Variants in ZEB1 observed in about 807,000 individuals in gnomAD.
ZEB1 encodes the protein zinc finger E-box binding homeobox 1, also known as zinc finger E-box-binding homeobox 1.
ZEB1 carries 21 observed loss-of-function variants against 84.9 expected under a neutral mutation model. That is an observed-to-expected ratio of 0.25 (90% confidence interval 0.18 to 0.36). ZEB1 has a LOEUF of 0.36. Ranked by LOEUF, ZEB1 falls within the 10% of genes least tolerant of loss-of-function variation. The pLI is 1.00. For missense variants in ZEB1, 1,104 were observed against 1,330.2 expected (o/e 0.83, Z 2.65); for synonymous variants, 420 against 471.1 (o/e 0.89, Z 1.41).
intron 1 of ZEB1, among the ~76,000 whole-genome samples, chr10:31,410,769 C>G (rs1289883983): frequency 6.6e-6 from 1 of 151,998 alleles, no homozygotes; most frequent in Non-Finnish European, 1.5e-5. Context: ...TCATTTTTTC[C>G]TAGATTTTCT....
At chr10:31,502,205 T>A (rs2068249267) in intron 3 of ZEB1, 143 bp from the exon 4 acceptor site, 3 of 832,234 alleles carry the variant, frequency 3.6e-6, no homozygotes, top group Non-Finnish European at 5.5e-6. Flanking sequence ...ATGAGTGGAA[T>A]TCATTTTTAA....
At position 31,391,593 on chromosome 10, in the gene ZEB1, T is replaced by G. The variant is rs560887714; in HGVS notation, c.59-69444T>G. Reference sequence around the variant, plus strand: ...TGTCAGATTAACACATCTATATAAGTAAGATGTTCAGCCTTGCTTAGCTAA... The same window carrying G: ...TGTCAGATTAACACATCTATATAAGGAAGATGTTCAGCCTTGCTTAGCTAA... On this transcript the variant is annotated intron_variant, in intron 1 of 8. Transcript: ENST00000424869. Among the ~76,000 whole-genome samples the G allele has an allele frequency of 2.0e-5, 3 of 152,310 alleles. No individual in the cohort carries two copies. The South Asian group carries it at 6.2e-4, about 32-fold the overall frequency.
intron 1 of ZEB1, among the ~76,000 whole-genome samples, chr10:31,404,757 A>G (rs982200436): frequency 2.6e-5 from 4 of 152,028 alleles, no homozygotes; most frequent in Non-Finnish European, 4.4e-5. Flanking sequence ...TTCAATCTGA[A>G]GATAGTAGCA....
intron 1 of ZEB1, among the ~76,000 whole-genome samples, chr10:31,405,719 T>A (rs10826947): frequency 0.12 from 17,609 of 151,354 alleles, 2,559 homozygotes; most frequent in African/African-American, 0.34. Flanking sequence ...CTTTTTTTTT[T>A]TAAAATTTAA....
intron 1 of ZEB1, among the ~76,000 whole-genome samples, chr10:31,370,990 A>AT (rs1294488793): frequency 1.3e-5 from 2 of 152,184 alleles, no homozygotes; most frequent in Admixed American, 1.3e-4. Flanking sequence ...AACTGCTGGG[A>AT]TTACAGGCGT....
At chr10:31,429,846 C>A (rs1482120440) in intron 1 of ZEB1, among the ~76,000 whole-genome samples, 1 of 147,108 alleles carries the variant, frequency 6.8e-6, no homozygotes, top group Non-Finnish European at 1.5e-5. Flanking sequence ...TGGGTTCAAG[C>A]GATTCTCCTG....
In ZEB1 at chr10:31,510,796, G is replaced by C; in HGVS notation, c.608G>C (p.Cys203Ser). 1 of 1,613,926 alleles carries C rather than the reference G, an allele frequency of 6.2e-7. No individual in the cohort carries two copies. Among genetic ancestry groups the C allele is most frequent in the Non-Finnish European group, 8.5e-7 (1 of 1,179,914 alleles). ...RHEKNEDNFS[C>S]SLCSYTFAYR... ...GAAAAGAATGAAGATAACTTTAGTT[G>C]CTCCCTGTGCAGTTACACCTTTGCA... Residue 203 changes from cysteine (C) to serine (S), a missense_variant, in exon 5 of 9, where the codon TGC (cysteine) becomes TCC (serine). Cys to Ser is a moderately radical substitution (Grantham distance 112). Coordinates refer to ENST00000424869, the MANE Select transcript of ZEB1 (RefSeq NM_001174096.2).
At chr10:31,373,843 A>G (rs2046153388) in intron 1 of ZEB1, among the ~76,000 whole-genome samples, 1 of 151,830 alleles carries the variant, frequency 6.6e-6, no homozygotes, top group African/African-American at 2.4e-5. Flanking sequence ...CTCCTGCCTT[A>G]CACATACTCC....
chr10:31,446,556 A>G (rs971432569), intron 1 of ZEB1, among the ~76,000 whole-genome samples: 6 of 151,150 alleles, frequency 4.0e-5, no homozygotes, highest in Non-Finnish European at 5.9e-5. Flanking sequence ...ATTTAGTGCT[A>G]TAAATTTCCC....
intron 1 of ZEB1, among the ~76,000 whole-genome samples, chr10:31,439,229 A>G (rs1360112753): frequency 2.0e-5 from 3 of 152,172 alleles, no homozygotes; most frequent in Admixed American, 1.3e-4. Context: ...TTTCTATATC[A>G]GTACCAAACA....
chr10:31,320,952 A>T (rs1008188771), intron 1 of ZEB1, among the ~76,000 whole-genome samples: 1 of 152,192 alleles, frequency 6.6e-6, no homozygotes, highest in Non-Finnish European at 1.5e-5. Flanking sequence ...AAGGAATTAC[A>T]CGTACATTTC....
In ZEB1 at chr10:31,340,077, T is replaced by C. The variant is rs1410842111; in HGVS notation, c.58+20785T>C. Among the ~76,000 whole-genome samples, 3 of 152,320 alleles carry C rather than the reference T, an allele frequency of 2.0e-5. No homozygotes were observed. The South Asian group carries it at 6.2e-4, about 32-fold the overall frequency. ...GTGAGAAATATTTCTTGATTGTATC[T>C]TTAAAATTAATGCAAAATTGTTATG... On this transcript the variant is annotated intron_variant, in intron 1 of 8. Transcript: ENST00000424869.
intron 1 of ZEB1, among the ~76,000 whole-genome samples, chr10:31,328,147 C>G (rs543154898): frequency 6.6e-6 from 1 of 152,092 alleles, no homozygotes; most frequent in South Asian, 2.1e-4. Flanking sequence ...AGATATTTTC[C>G]TGGATTTTCT....
At chr10:31,464,857 TCGTAAGAAAAACTGAAGG>T (rs1273793858) in intron 2 of ZEB1, among the ~76,000 whole-genome samples, 4 of 152,158 alleles carry the variant, frequency 2.6e-5, no homozygotes, top group Non-Finnish European at 4.4e-5. Context: ...TAAACCTGCT[TCGTAAGAAAAACTGAAGG>T]CAGTTTTTCA....
At chr10:31,409,811 G>T (rs911974858) in intron 1 of ZEB1, among the ~76,000 whole-genome samples, 1 of 151,980 alleles carries the variant, frequency 6.6e-6, no homozygotes, top group Non-Finnish European at 1.5e-5. Context: ...GGCTCTGTTT[G>T]TTTATTATTA....
At chr10:31,484,781 ATTTCC>A (rs929033282) in intron 2 of ZEB1, among the ~76,000 whole-genome samples, 1 of 151,950 alleles carries the variant, frequency 6.6e-6, no homozygotes, top group Admixed American at 6.6e-5. Context: ...ATTGAATGTT[ATTTCC>A]TTAGATTATT....
intron 1 of ZEB1, among the ~76,000 whole-genome samples, chr10:31,340,680 A>T (rs927928343): frequency 6.6e-6 from 1 of 152,212 alleles, no homozygotes; most frequent in Non-Finnish European, 1.5e-5. Context: ...CAAATGAAGG[A>T]TACAGTCACA....
At chr10:31,380,192 CT>C (rs2047380158) in intron 1 of ZEB1, among the ~76,000 whole-genome samples, 1 of 152,110 alleles carries the variant, frequency 6.6e-6, no homozygotes, top group Non-Finnish European at 1.5e-5. Context: ...CTTCCCTCCC[CT>C]TTTCCCTTTA....
At chr10:31,357,977 C>T (rs180713913) in intron 1 of ZEB1, among the ~76,000 whole-genome samples, 1 of 152,154 alleles carries the variant, frequency 6.6e-6, no homozygotes. Context: ...TTGGCGTTCT[C>T]ATGGGCAATA....
Sources: gnomAD v4.1 joint callset for allele counts (sites outside exome capture counted in the v4.1 genomes callset) on GRCh38, gnomAD v4.1.1 for gene constraint, MANE v1.5 for transcripts, NCBI Gene and HGNC (gene_info 2026-07-23, HGNC 2026-07-21) for gene names.